HTN3: variants seen among roughly 807,000 people sequenced by gnomAD.
The protein encoded by HTN3 is histatin-3.
In HTN3, 15 loss-of-function variants were observed where a neutral mutation model predicts 10.6. That is an observed-to-expected ratio of 1.42 (90% CI 0.95 to 2.18). The LOEUF is 2.18. Among genes scored for constraint, HTN3 ranks in the 30% most tolerant of loss-of-function variants. The pLI is 0.00. For synonymous variants in HTN3, 15 were observed against 16.9 expected (o/e 0.89, Z 0.27); for missense variants, 68 against 58.0 (o/e 1.17, Z -0.56).
At chr4:70,033,067 C>G in intron 4 of HTN3, 100 bp from the exon 5 acceptor site, 1 of 805,926 alleles carries the variant, frequency 1.2e-6, no homozygotes. Context: ...GTCATAACAA[C>G]TTTAACAATC....
At position 70,033,235 on chromosome 4, in the gene HTN3, A is replaced by C. The variant is rs765235964; in HGVS notation, c.*15A>C. The C allele has an allele frequency of 1.3e-6, 2 of 1,539,786 alleles. No homozygotes were observed. The highest frequency in any genetic ancestry group is 4.5e-5 in the East Asian group (2 of 44,024). On this transcript the variant is annotated 3_prime_UTR_variant, in exon 5 of 6. Transcript: ENST00000673563. ...ATGACAATTGATATCTTCAGTAATC[A>C]CGGGGCATGATTATGGAGGTAAGCT...
chr4:70,032,956 A>C (rs1296519415), intron 4 of HTN3, among the ~76,000 whole-genome samples: 1 of 152,158 alleles, frequency 6.6e-6, no homozygotes, highest in African/African-American at 2.4e-5. Flanking sequence ...ATATCAACAC[A>C]CAGTAAATAC....
At chr4:70,029,591 C>CT (rs1482470276) in intron 1 of HTN3, among the ~76,000 whole-genome samples, 1 of 152,000 alleles carries the variant, frequency 6.6e-6, no homozygotes, top group Non-Finnish European at 1.5e-5. Context: ...TAGCTAGCAA[C>CT]TAACAAATAA....
At chr4:70,032,585 TATC>T (rs1224489857) in intron 4 of HTN3, among the ~76,000 whole-genome samples, 1 of 152,058 alleles carries the variant, frequency 6.6e-6, no homozygotes, top group Non-Finnish European at 1.5e-5. Context: ...TGTATAAAAA[TATC>T]ATATTATTTT....
At chr4:70,034,888 G>T (rs1247435821) in intron 5 of HTN3, among the ~76,000 whole-genome samples, 1 of 152,188 alleles carries the variant, frequency 6.6e-6, no homozygotes, top group African/African-American at 2.4e-5. Flanking sequence ...ATGAGATCCT[G>T]TCCTTTGCAG....
At chr4:70,030,883 C>A in intron 2 of HTN3, 92 bp downstream of exon 2, 1 of 910,694 alleles carries the variant, frequency 1.1e-6, no homozygotes, top group Non-Finnish European at 1.8e-6. Flanking sequence ...TATTCATGTT[C>A]ACCTCAATAC....
chr4:70,029,115 A>G (rs1725313834), intron 1 of HTN3, among the ~76,000 whole-genome samples: 1 of 151,982 alleles, frequency 6.6e-6, no homozygotes, highest in African/African-American at 2.4e-5. Context: ...TTATTGATTT[A>G]CTCGGGAAAT....
chr4:70,032,352 A>G (rs1725401744), intron 4 of HTN3, among the ~76,000 whole-genome samples: 1 of 152,062 alleles, frequency 6.6e-6, no homozygotes, highest in South Asian at 2.1e-4. Context: ...TTGAGAGCTT[A>G]AGTATCTTTC....
intron 5 of HTN3, among the ~76,000 whole-genome samples, chr4:70,034,691 G>A (rs112235563): frequency 0.098 from 14,870 of 152,054 alleles, 1,868 homozygotes; most frequent in African/African-American, 0.29. Context: ...TAGCAATCCC[G>A]TTACTGGGTA....
intron 2 of HTN3, among the ~76,000 whole-genome samples, chr4:70,031,768 A>C (rs1280983674): frequency 6.6e-6 from 1 of 152,072 alleles, no homozygotes; most frequent in African/African-American, 2.4e-5. Context: ...AAATGAGTTG[A>C]TACTTTAATA....
At chr4:70,035,947 T>A (rs1314171846) in intron 5 of HTN3, among the ~76,000 whole-genome samples, 2 of 152,160 alleles carry the variant, frequency 1.3e-5, no homozygotes, top group African/African-American at 2.4e-5. Context: ...AGGATATAGG[T>A]AAAATATTAT....
chr4:70,028,648 T>C (rs1294747164), intron 1 of HTN3, 132 bp downstream of exon 1: 2 of 152,144 alleles, frequency 1.3e-5, no homozygotes, highest in Non-Finnish European at 2.9e-5. Context: ...TACCATTTAT[T>C]GGCATCTGAA....
In HTN3 at chr4:70,031,991, C is replaced by T. The variant is rs1370726708; in HGVS notation, c.64C>T (p.His22Tyr). Residue 22 changes from histidine (H) to tyrosine (Y), a missense_variant, in exon 3 of 6, where the codon CAT becomes TAT. Physicochemically the swap from His to Tyr is moderately conservative, Grantham distance 83. Transcript: ENST00000673563. ...LMLSMTGADS[H>Y]AKRHHGYKRK... ...CTTCTTTTCCAAGGGAGCTGATTCA[C>T]ATGCAAAGGTAAGACATTTTCATTT... 3 of 1,553,718 alleles carry T rather than the reference C, an allele frequency of 1.9e-6. No homozygotes were observed. The highest frequency in any genetic ancestry group is 1.1e-5 in the South Asian group (1 of 87,086).
At chr4:70,035,272 G>T (rs185249833) in intron 5 of HTN3, among the ~76,000 whole-genome samples, 3 of 152,174 alleles carry the variant, frequency 2.0e-5, no homozygotes, top group Non-Finnish European at 4.4e-5. Context: ...TCCTGACCCT[G>T]ACAACTAGTT....
At chr4:70,033,341 A>G in intron 5 of HTN3, 88 bp downstream of exon 5, 3 of 644,454 alleles carry the variant, frequency 4.7e-6, no homozygotes, top group Admixed American at 3.1e-5. Flanking sequence ...CATTAAGCCA[A>G]CAATCATTCC....
At chr4:70,036,221 G>A (rs1168499180) in intron 5 of HTN3, 46 bp from the exon 6 acceptor site, 1 of 152,004 alleles carries the variant, frequency 6.6e-6, no homozygotes, top group Non-Finnish European at 1.5e-5. Context: ...TTATTTACAG[G>A]AATATCAATT....
intron 5 of HTN3, among the ~76,000 whole-genome samples, chr4:70,035,065 T>C (rs116465391): frequency 6.6e-6 from 1 of 151,942 alleles, no homozygotes; most frequent in Non-Finnish European, 1.5e-5. Context: ...GAAGGTAACA[T>C]AGAGGGCTGA....
intron 2 of HTN3, chr4:70,031,462 C>T (rs1578173764): frequency 6.5e-6 from 1 of 153,912 alleles, no homozygotes; most frequent in Admixed American, 6.5e-5. Flanking sequence ...AATACTTCAA[C>T]CTATCCACTA....
At chr4:70,030,151 C>T (rs1725347350) in intron 1 of HTN3, among the ~76,000 whole-genome samples, 1 of 152,098 alleles carries the variant, frequency 6.6e-6, no homozygotes. Context: ...AACATGCTTT[C>T]CTCTCTGTTG....
Sources: gnomAD v4.1 joint callset for allele counts (sites outside exome capture counted in the v4.1 genomes callset) on GRCh38, gnomAD v4.1.1 for gene constraint, MANE v1.5 for transcripts, NCBI Gene and HGNC (gene_info 2026-07-23, HGNC 2026-07-21) for gene names.